Variants in CSMD1 observed in about 807,000 individuals in gnomAD.
CSMD1 encodes the protein CUB and sushi domain-containing protein 1.
A neutral mutation model predicts 417.5 loss-of-function variants in CSMD1; 213 were observed. That is an observed-to-expected ratio of 0.51 (90% CI 0.46 to 0.57). The LOEUF is 0.57. Among genes scored for constraint, CSMD1 ranks in the 20% least tolerant of loss-of-function variants. The pLI is 0.00. For missense variants in CSMD1, 6,923 were observed against 4,529.7 expected (o/e 1.53, Z -15.17); for synonymous variants, 2,862 against 1,736.8 (o/e 1.65, Z -16.11).
chr8:4,166,855 A>G (rs879943447), intron 3 of CSMD1, among the ~76,000 whole-genome samples: 1 of 152,220 alleles, frequency 6.6e-6, no homozygotes, highest in Non-Finnish European at 1.5e-5. Context: ...AATTTGTTTC[A>G]ATGAACAACA....
chr8:4,155,903 G>T (rs1344136101), intron 3 of CSMD1, among the ~76,000 whole-genome samples: 1 of 152,116 alleles, frequency 6.6e-6, no homozygotes, highest in Non-Finnish European at 1.5e-5. Flanking sequence ...CAGTAAGTGC[G>T]GGAATGAGCT....
At chr8:3,150,679 A>C (rs1252258145) in intron 40 of CSMD1, among the ~76,000 whole-genome samples, 2 of 152,208 alleles carry the variant, frequency 1.3e-5, no homozygotes, top group Non-Finnish European at 2.9e-5. Flanking sequence ...AACTTGGTCT[A>C]CCTAAAGTGA....
At chr8:4,968,876 C>A (rs1391567680) in intron 1 of CSMD1, among the ~76,000 whole-genome samples, 1 of 152,182 alleles carries the variant, frequency 6.6e-6, no homozygotes, top group South Asian at 2.1e-4. Flanking sequence ...ACACACAAAG[C>A]ATCAGTCTGT....
intron 19 of CSMD1, 78 bp from the exon 20 acceptor site, chr8:3,367,325 C>G: frequency 1.2e-6 from 1 of 828,660 alleles, no homozygotes; most frequent in Non-Finnish European, 2.0e-6. Context: ...GGGAGCGGGG[C>G]AGAGAGAGAC....
intron 2 of CSMD1, among the ~76,000 whole-genome samples, chr8:4,525,794 T>C (rs1234558741): frequency 6.6e-6 from 1 of 152,132 alleles, no homozygotes; most frequent in Non-Finnish European, 1.5e-5. Flanking sequence ...CACAGGGACA[T>C]GTCAATTACT....
rs553310194 is a variant in CSMD1, at chr8:3,846,342, T to C, written c.819-92300A>G. ...TCTTATCCAACCACCTTTATTTACA[T>C]GGTCCATAGCTGATTAAAATGTCTT... On this transcript the variant is annotated intron_variant, in intron 5 of 69. Coordinates refer to ENST00000635120, the MANE Select transcript of CSMD1 (RefSeq NM_033225.6). Among the ~76,000 whole-genome samples the C allele has an allele frequency of 3.9e-5, 6 of 152,314 alleles. No homozygotes were observed. In the East Asian group the frequency reaches 1.2e-3, roughly 29 times the overall value.
intron 3 of CSMD1, among the ~76,000 whole-genome samples, chr8:4,188,187 T>C (rs1798796505): frequency 1.3e-5 from 2 of 152,058 alleles, no homozygotes; most frequent in African/African-American, 2.4e-5. Flanking sequence ...TAACGATGAT[T>C]TTGGCAGGAA....
intron 25 of CSMD1, among the ~76,000 whole-genome samples, chr8:3,306,783 T>G (rs1365570046): frequency 6.6e-6 from 1 of 152,238 alleles, no homozygotes; most frequent in Non-Finnish European, 1.5e-5. Context: ...TTGCCTTATG[T>G]GCTATGGTTT....
At chr8:4,236,055 T>TTTTTTTTTTTTTTTTTTTTTTG (rs1802038108) in intron 3 of CSMD1, among the ~76,000 whole-genome samples, 2 of 83,748 alleles carry the variant, frequency 2.4e-5, no homozygotes, top group Admixed American at 1.1e-4. Flanking sequence ...TTTTTTTTTT[T>TTTTTTTTTTTTTTTTTTTTTTG]TTTTTTTTTT....
At chr8:3,267,804 C>T (rs531341717) in intron 26 of CSMD1, among the ~76,000 whole-genome samples, 2 of 152,188 alleles carry the variant, frequency 1.3e-5, no homozygotes, top group South Asian at 4.2e-4. Context: ...GGTGCAGAGG[C>T]CGGGGCTGAT....
chr8:4,510,389 C>CAAAA (rs1563243981), intron 2 of CSMD1, among the ~76,000 whole-genome samples: 5 of 10,956 alleles, frequency 4.6e-4, no homozygotes, highest in African/African-American at 2.1e-3. Flanking sequence ...AGCATAATGC[C>CAAAA]TAAAAAAAAA....
At chr8:4,209,817 A>G (rs1800201946) in intron 3 of CSMD1, among the ~76,000 whole-genome samples, 1 of 152,208 alleles carries the variant, frequency 6.6e-6, no homozygotes, top group Admixed American at 6.5e-5. Flanking sequence ...TCATATTTAT[A>G]TCCACTTTCA....
intron 1 of CSMD1, among the ~76,000 whole-genome samples, chr8:4,893,926 A>T (rs961964478): frequency 6.6e-6 from 1 of 152,102 alleles, no homozygotes; most frequent in Non-Finnish European, 1.5e-5. Flanking sequence ...TTTTCGCAAA[A>T]TGTTGGTTTA....
chr8:4,471,797 G>A (rs1227982297), intron 2 of CSMD1, among the ~76,000 whole-genome samples: 2 of 152,108 alleles, frequency 1.3e-5, no homozygotes, highest in East Asian at 3.9e-4. Context: ...ATATATAGAT[G>A]TTAACAGGAA....
At chr8:4,015,984 C>G (rs1264382050) in intron 4 of CSMD1, among the ~76,000 whole-genome samples, 5 of 152,160 alleles carry the variant, frequency 3.3e-5, no homozygotes, top group Non-Finnish European at 7.3e-5. Flanking sequence ...TAGAAAAGCA[C>G]CAAGTCAGAG....
rs1395424291 is a variant in CSMD1, at chr8:4,126,687, T to C, written c.416-94588A>G. On this transcript the variant is annotated intron_variant, in intron 3 of 69. Transcript: ENST00000635120. ...TTAGATTCTGAGGGTTTATTAATCA[T>C]TGGTTGGTTACTTCACTCTCCTGGA... Among the ~76,000 whole-genome samples the C allele has an allele frequency of 3.9e-5, 6 of 152,170 alleles. 1 individual carries two copies. The highest frequency in any genetic ancestry group is 9.7e-5 in the African/African-American group (4 of 41,438).
At chr8:3,225,525 C>T (rs1488305694) in intron 27 of CSMD1, among the ~76,000 whole-genome samples, 1 of 151,944 alleles carries the variant, frequency 6.6e-6, no homozygotes, top group Middle Eastern at 3.4e-3. Flanking sequence ...GATCAGGGAG[C>T]GGGAGCTGAT....
chr8:4,788,602 G>T lies in CSMD1; in HGVS notation c.86-151044C>A, dbSNP rs888998221. On this transcript the variant is annotated intron_variant, in intron 1 of 69. Coordinates refer to ENST00000635120, the MANE Select transcript of CSMD1 (RefSeq NM_033225.6). ...GTAATTTATAAGAAACAATGCCATTGAAATTTTTAGGGGAAAAACTACAAA... is the reference window on the plus strand; with the variant it reads ...GTAATTTATAAGAAACAATGCCATTTAAATTTTTAGGGGAAAAACTACAAA... The T allele has an allele frequency of 2.8e-6, 3 of 1,068,764 alleles. No homozygotes were observed. The African/African-American group carries it at 4.8e-5, about 17-fold the overall frequency. The allele number at this position is 1,068,764 out of a possible 1,614,324, so 66.2% of individuals were successfully genotyped here. A position where few individuals can be genotyped will look rare whatever the true frequency, so the allele number is the denominator to read the frequency against.
intron 26 of CSMD1, among the ~76,000 whole-genome samples, chr8:3,280,288 G>C (rs1041677593): frequency 6.6e-6 from 1 of 152,188 alleles, no homozygotes; most frequent in African/African-American, 2.4e-5. Flanking sequence ...AATGTCCTTA[G>C]AAATTGATAC....
Sources: allele counts gnomAD v4.1 joint callset (sites outside exome capture counted in the v4.1 genomes callset), GRCh38; gene constraint gnomAD v4.1.1; transcripts MANE v1.5; gene names NCBI Gene and HGNC (gene_info 2026-07-23, HGNC 2026-07-21).